SMARCB1: variants seen among roughly 807,000 people sequenced by gnomAD.
SMARCB1 encodes the protein SWI/SNF related BAF chromatin remodeling complex subunit B1.
Under a neutral mutation model 49.0 loss-of-function variants are expected in SMARCB1, and 5 were observed. The ratio of observed to expected loss-of-function variants is 0.10; its 90% CI spans 0.05 to 0.21. The LOEUF (loss-of-function observed/expected upper bound fraction) is 0.21. Ranked by LOEUF, SMARCB1 falls within the 10% of genes least tolerant of loss-of-function variation. The pLI is 1.00. For missense variants in SMARCB1, 226 were observed against 509.2 expected, an observed-to-expected ratio of 0.44 and a Z score of 5.35; for synonymous variants, 201 against 200.1, an observed-to-expected ratio of 1.00 and a Z score of -0.04.
Position 23,837,274 on chromosome 22 carries a change from C to T in SMARCB1, c.*3094C>T. 7.7e-7 allele frequency: 1 copy of T among 1,298,934 alleles called. No homozygotes were observed. Among genetic ancestry groups the T allele is most frequent in the Admixed American group, 2.5e-5 (1 of 40,600 alleles). The allele number at this position is 1,298,934 out of a possible 1,614,324, so 80.5% of individuals were successfully genotyped here. A position where few individuals can be genotyped will look rare whatever the true frequency, so the allele number is the denominator to read the frequency against. ...CCCTGCAGGCCCCACAGCATGAGTG[C>T]CCCAAAGCCTTGCACAGAGTGCCAG... On this transcript the variant is annotated 3_prime_UTR_variant, in exon 9 of 9. Coordinates refer to ENST00000644036, the MANE Select transcript of SMARCB1 (RefSeq NM_003073.5).
Position 23,837,329 on chromosome 22 carries a change from A to AAAT in SMARCB1, c.*3151_*3152insTAA, listed in dbSNP as rs545524390. The stretch of plus-strand genomic sequence containing the variant: ...GGGTTGGCCGTGAAGGACAAGCTTA[A>AAAT]AAGGCCCAGAAGCAGGCAGGACCCA... On this transcript the variant is annotated 3_prime_UTR_variant, in exon 9 of 9. Transcript: ENST00000644036. 4.0e-4 allele frequency: 331 copies of AAAT among 832,276 alleles called. 2 individuals carry two copies. The African/African-American group carries it at 5.2e-3, about 13-fold the overall frequency. 51.6% of individuals were successfully genotyped at this position (832,276 alleles called of 1,614,324 possible).
intron 7 of SMARCB1, among the ~76,000 whole-genome samples, chr22:23,833,257 G>A (rs940099715): frequency 1.3e-5 from 2 of 152,154 alleles, no homozygotes; most frequent in African/African-American, 4.8e-5. Context: ...GGTCCAGCCC[G>A]TGCTGTCCTG....
chr22:23,789,075 T>C (rs1928202968), intron 1 of SMARCB1, among the ~76,000 whole-genome samples: 2 of 152,142 alleles, frequency 1.3e-5, no homozygotes, highest in African/African-American at 4.8e-5. Flanking sequence ...GTCTTAAACT[T>C]GTGAGCTCAA....
At chr22:23,817,841 T>C (rs896938710) in intron 6 of SMARCB1, 8 of 152,210 alleles carry the variant, frequency 5.3e-5, no homozygotes, top group African/African-American at 1.9e-4. Flanking sequence ...CTTATTTAGT[T>C]AGTCAAGACA....
intron 3 of SMARCB1, among the ~76,000 whole-genome samples, chr22:23,798,096 C>T (rs565802324): frequency 1.3e-5 from 2 of 152,098 alleles, no homozygotes; most frequent in Non-Finnish European, 2.9e-5. Flanking sequence ...AGCCCAGGCT[C>T]TAACGTATCC....
At chr22:23,817,047 A>C in intron 6 of SMARCB1, 111 bp downstream of exon 6, 1 of 861,610 alleles carries the variant, frequency 1.2e-6, no homozygotes, top group Non-Finnish European at 1.9e-6. Flanking sequence ...TTTGGGTTCC[A>C]TATCATCTGG....
intron 4 of SMARCB1, chr22:23,801,296 C>T: frequency 1.3e-6 from 1 of 749,826 alleles, no homozygotes; most frequent in Non-Finnish European, 2.3e-6. Flanking sequence ...CTTGCCATGT[C>T]CTCCTCACCT....
In SMARCB1 at chr22:23,837,407, C is replaced by G. The variant is rs939270516; in HGVS notation, c.*3227C>G. 5 of 646,068 alleles carry G rather than the reference C, an allele frequency of 7.7e-6. No homozygotes were observed. In the African/African-American group the frequency reaches 9.2e-5, roughly 12 times the overall value. The allele number at this position is 646,068 out of a possible 1,614,324, so 40.0% of individuals were successfully genotyped here. ...GGAGTGGGAGCCATGGGGCAGGAAC[C>G]CTGACCCTCCCATCCTCACTCCCAT... On this transcript the variant is annotated 3_prime_UTR_variant, in exon 9 of 9. Coordinates refer to ENST00000644036, the MANE Select transcript of SMARCB1 (RefSeq NM_003073.5).
chr22:23,833,474 C>T (rs1190598229), intron 7 of SMARCB1, 98 bp from the exon 8 acceptor site: 1 of 1,545,402 alleles, frequency 6.5e-7, no homozygotes, highest in African/African-American at 1.4e-5. Context: ...AGCAGTGCTG[C>T]TGGGAGGAGC....
In SMARCB1 at chr22:23,793,661, T is replaced by G. The variant is rs2145964341; in HGVS notation, c.335T>G (p.Ile112Ser). Residue 112 changes from isoleucine (I) to serine (S), a missense_variant, in exon 3 of 9, where the codon ATC becomes AGC. Physicochemically the swap from Ile to Ser is moderately radical, Grantham distance 142 (BLOSUM62 -2). This residue lies in a region of SMARCB1 where 128 missense variants were observed against 263.9 expected (regional missense o/e 0.49). Coordinates refer to ENST00000644036, the MANE Select transcript of SMARCB1 (RefSeq NM_003073.5). Reference protein sequence around the residue: ...GNDEKYKAVSISTEPPTYLRE... With the variant: ...GNDEKYKAVSSSTEPPTYLRE... ...GATGAGAAGTACAAGGCTGTGTCCA[T>G]CAGCACAGAGCCCCCCACCTACCTC... The G allele has an allele frequency of 6.2e-7, 1 of 1,614,054 alleles. No homozygotes were observed. Among genetic ancestry groups the G allele is most frequent in the Non-Finnish European group, 8.5e-7 (1 of 1,179,988 alleles).
At chr22:23,790,950 G>C (rs1928341672) in intron 1 of SMARCB1, among the ~76,000 whole-genome samples, 1 of 152,212 alleles carries the variant, frequency 6.6e-6, no homozygotes, top group African/African-American at 2.4e-5. Context: ...TCATGGGGGT[G>C]AAGTTCAGAG....
At position 23,837,310 on chromosome 22, in the gene SMARCB1, G is replaced by T; in HGVS notation, c.*3130G>T. The T allele has an allele frequency of 9.9e-7, 1 of 1,007,564 alleles. No homozygotes were observed. Among genetic ancestry groups the T allele is most frequent in the Non-Finnish European group, 1.5e-6 (1 of 681,006 alleles). The allele number at this position is 1,007,564 out of a possible 1,614,324, so 62.4% of individuals were successfully genotyped here. A position where few individuals can be genotyped will look rare whatever the true frequency, so the allele number is the denominator to read the frequency against. ...TGCACAGAGTGCCAGCCCCGGGTTG[G>T]CCGTGAAGGACAAGCTTAAAAGGCC... On this transcript the variant is annotated 3_prime_UTR_variant, in exon 9 of 9. Transcript: ENST00000644036.
intron 3 of SMARCB1, among the ~76,000 whole-genome samples, chr22:23,798,653 A>G (rs969424465): frequency 5.3e-5 from 8 of 152,146 alleles, no homozygotes; most frequent in African/African-American, 1.9e-4. Context: ...TAAAGGGCCC[A>G]GAGTCCAGGC....
chr22:23,805,169 G>A (rs1043669859), intron 5 of SMARCB1, among the ~76,000 whole-genome samples: 2 of 152,204 alleles, frequency 1.3e-5, no homozygotes, highest in African/African-American at 4.8e-5. Context: ...AAGAAGGCCT[G>A]AGAGCCATGT....
At chr22:23,801,474 G>C (rs1476642209) in intron 4 of SMARCB1, 8 of 482,862 alleles carry the variant, frequency 1.7e-5, no homozygotes, top group Non-Finnish European at 2.8e-5. Context: ...ACCACAAACT[G>C]GTGGCTTCGA....
Position 23,837,070 on chromosome 22 carries a change from C to A in SMARCB1, c.*2890C>A. ...GAGGGCTCTCAACACTCACAGGAAG[C>A]CAGGGGTCTGCAGGAGCCTCTTGCC... On this transcript the variant is annotated 3_prime_UTR_variant, in exon 9 of 9. Coordinates refer to ENST00000644036, the MANE Select transcript of SMARCB1 (RefSeq NM_003073.5). 2.5e-6 allele frequency: 4 copies of A among 1,613,824 alleles called. No individual in the cohort carries two copies. Among genetic ancestry groups the A allele is most frequent in the Non-Finnish European group, 3.4e-6 (4 of 1,179,868 alleles).
At chr22:23,819,157 T>C (rs77334410) in intron 6 of SMARCB1, among the ~76,000 whole-genome samples, 6,175 of 152,294 alleles carry the variant, frequency 0.041, 363 homozygotes, top group African/African-American at 0.12. Context: ...CAGCCTCCTT[T>C]CTTATTAAGG....
At chr22:23,830,298 G>T (rs1013131191) in intron 7 of SMARCB1, among the ~76,000 whole-genome samples, 16 of 152,188 alleles carry the variant, frequency 1.1e-4, no homozygotes, top group African/African-American at 3.9e-4. Context: ...CCGTTTCTCT[G>T]GATCCTGCTG....
chr22:23,834,372 A>ACCCCC lies in SMARCB1; in HGVS notation c.*196_*197insCCCCC. On this transcript the variant is annotated 3_prime_UTR_variant, in exon 9 of 9. Transcript: ENST00000644036. ...TTGTTGAGCCCCAGTCCTGCCCCCC[A>ACCCCC]CCCCACCCTCCCTACCCCTCCCCAG... 10 of 388,580 alleles carry ACCCCC rather than the reference A, an allele frequency of 2.6e-5. No homozygotes were observed. Among genetic ancestry groups the ACCCCC allele is most frequent in the East Asian group, 4.9e-5 (1 of 20,240 alleles). 24.1% of individuals were successfully genotyped at this position (388,580 alleles called of 1,614,324 possible). A position where few individuals can be genotyped will look rare whatever the true frequency, so the allele number is the denominator to read the frequency against.
Sources: allele counts gnomAD v4.1 joint callset (sites outside exome capture counted in the v4.1 genomes callset), GRCh38; gene constraint gnomAD v4.1.1; regional missense constraint gnomAD v4.1.1; transcripts MANE v1.5; gene names NCBI Gene and HGNC (gene_info 2026-07-23, HGNC 2026-07-21).